PLRG1: variants seen among roughly 807,000 people sequenced by gnomAD.
PLRG1 encodes the protein pleiotropic regulator 1, also known as pleiotropic regulator 1 (PRL1 homolog, Arabidopsis).
Under a neutral mutation model 74.9 loss-of-function variants are expected in PLRG1, and 28 were observed. The ratio of observed to expected loss-of-function variants is 0.37; its 90% CI spans 0.28 to 0.51. The LOEUF (loss-of-function observed/expected upper bound fraction) is 0.51, where lower values mean the gene tolerates loss of function less well. Ranked by LOEUF, PLRG1 falls within the 20% of genes least tolerant of loss-of-function variation. PLRG1 has a pLI of 0.91. For synonymous variants in PLRG1, 197 were observed against 212.4 expected (o/e 0.93, Z 0.63); for missense variants, 445 against 631.9 (o/e 0.70, Z 3.17).
rs200015317 is a variant in PLRG1 at position 154,538,923 on chromosome 4, T to C, written c.1151+182A>G. On this transcript the variant is annotated intron_variant, in intron 12 of 14. Transcript: ENST00000499023. ...CAAGTAGAAGGCTTTCCTCATGTTTTATAGGGCATGAAGCAAAATAGTGCA... is the reference window on the plus strand; with the variant it reads ...CAAGTAGAAGGCTTTCCTCATGTTTCATAGGGCATGAAGCAAAATAGTGCA... 6.6e-4 allele frequency: 345 copies of C among 524,984 alleles called. 1 individual carries two copies. Among genetic ancestry groups the C allele is most frequent in the East Asian group, 4.6e-3 (160 of 35,156 alleles). 32.5% of individuals were successfully genotyped at this position (524,984 alleles called of 1,614,324 possible). A position where few individuals can be genotyped will look rare whatever the true frequency, so the allele number is the denominator to read the frequency against.
At chr4:154,548,758 C>T in intron 2 of PLRG1, 71 bp downstream of exon 2, 1 of 786,674 alleles carries the variant, frequency 1.3e-6, no homozygotes, top group South Asian at 1.5e-5. Flanking sequence ...AGGACTCCCT[C>T]TCCCTGCTCT....
intron 7 of PLRG1, 85 bp from the exon 8 acceptor site, chr4:154,542,364 C>A (rs1407252151): frequency 8.0e-6 from 6 of 745,896 alleles, no homozygotes; most frequent in Non-Finnish European, 1.5e-5. Context: ...TTGAATTGCC[C>A]TCCCATCTTC....
At chr4:154,540,515 T>C (rs992094543) in intron 10 of PLRG1, 79 bp downstream of exon 10, 42 of 882,258 alleles carry the variant, frequency 4.8e-5, no homozygotes, top group Admixed American at 1.8e-4. Context: ...TATCAATCAA[T>C]TGAAGACACT....
intron 7 of PLRG1, among the ~76,000 whole-genome samples, chr4:154,543,534 T>C (rs2111105881): frequency 6.6e-6 from 1 of 152,128 alleles, no homozygotes; most frequent in South Asian, 2.1e-4. Context: ...TAAAAATAAA[T>C]TAGAACTGAA....
In PLRG1 at chr4:154,546,992, T is replaced by C. The variant is rs747495470; in HGVS notation, c.313+19A>G. 7.8e-6 allele frequency: 12 copies of C among 1,540,234 alleles called. No homozygotes were observed. The highest frequency in any genetic ancestry group is 9.9e-6 in the Non-Finnish European group (11 of 1,112,748). On this transcript the variant is annotated intron_variant, in intron 4 of 14. Transcript: ENST00000499023. ...TGTGACATTTTTAAGACATTTTCAA[T>C]ATATAACAGCTCACTAACCAGGTCC...
chr4:154,537,828 A>G (rs907383313), intron 13 of PLRG1, 141 bp downstream of exon 13: 4 of 541,274 alleles, frequency 7.4e-6, no homozygotes, highest in Middle Eastern at 5.0e-4. Context: ...AACACACATA[A>G]TAACATGCAA....
In PLRG1 at chr4:154,547,615, A is replaced by G. The variant is rs1187977339; in HGVS notation, c.259+96T>C. On this transcript the variant is annotated intron_variant, in intron 3 of 14. Transcript: ENST00000499023. ...GGCCATTAAATACTGTACGACCACA[A>G]TAAGTCCTGCCAGGAGGGGCAAAAA... 5.4e-6 allele frequency: 6 copies of G among 1,113,000 alleles called. No homozygotes were observed. In the East Asian group the frequency reaches 9.5e-5, roughly 18 times the overall value. The allele number at this position is 1,113,000 out of a possible 1,614,324, so 68.9% of individuals were successfully genotyped here.
At chr4:154,545,527 G>C (rs1729635105) in intron 6 of PLRG1, among the ~76,000 whole-genome samples, 1 of 149,356 alleles carries the variant, frequency 6.7e-6, no homozygotes, top group African/African-American at 2.5e-5. Context: ...AAAAAAAAAA[G>C]ACTTTCATAT....
intron 6 of PLRG1, 53 bp downstream of exon 6, chr4:154,545,782 AT>A (rs1729640200): frequency 2.0e-6 from 2 of 1,021,340 alleles, no homozygotes; most frequent in African/African-American, 1.6e-5. Context: ...AGAGGGAAAT[AT>A]GGCAACATGT....
At chr4:154,539,360 T>C (rs143902767) in intron 11 of PLRG1, 147 bp from the exon 12 acceptor site, 9 of 579,002 alleles carry the variant, frequency 1.6e-5, no homozygotes, top group Non-Finnish European at 2.4e-5. Context: ...AATTTCTTCA[T>C]AGTTCCAAAT....
chr4:154,538,948 A>T, intron 12 of PLRG1, 157 bp downstream of exon 12: 1 of 567,818 alleles, frequency 1.8e-6, no homozygotes, highest in Non-Finnish European at 3.2e-6. Context: ...AAAATAGTGC[A>T]TGAGGAAAAT....
rs1200651680 is a variant in PLRG1 at position 154,535,865 on chromosome 4, G to C, written c.*820C>G. On this transcript the variant is annotated 3_prime_UTR_variant, in exon 15 of 15. Transcript: ENST00000499023. ...AGGAATAAAATCCATACTTATATGA[G>C]CTTTCCCCAGAACAAGCCAGCTTTA... The C allele has an allele frequency of 7.9e-6, 1 of 127,098 alleles. No individual in the cohort carries two copies. Among genetic ancestry groups the C allele is most frequent in the Non-Finnish European group, 1.7e-5 (1 of 60,444 alleles). 7.9% of individuals were successfully genotyped at this position (127,098 alleles called of 1,614,324 possible). A position where few individuals can be genotyped will look rare whatever the true frequency, so the allele number is the denominator to read the frequency against.
At position 154,536,515 on chromosome 4, in the gene PLRG1, G is replaced by T. The variant is rs1459499738; in HGVS notation, c.*170C>A. The stretch of plus-strand genomic sequence containing the variant: ...TAGAAATAAAAACACAGGGGTAGGG[G>T]ACAGGGGACAGTTTATTGTAAAATA... On this transcript the variant is annotated 3_prime_UTR_variant, in exon 15 of 15. Coordinates refer to ENST00000499023, the MANE Select transcript of PLRG1 (RefSeq NM_002669.4). The T allele has an allele frequency of 3.3e-6, 2 of 606,082 alleles. No homozygotes were observed. The highest frequency in any genetic ancestry group is 5.8e-6 in the Non-Finnish European group (2 of 343,020). 37.5% of individuals were successfully genotyped at this position (606,082 alleles called of 1,614,324 possible). A position where few individuals can be genotyped will look rare whatever the true frequency, so the allele number is the denominator to read the frequency against.
At chr4:154,547,088 A>C (rs1578771702) in intron 3 of PLRG1, 24 bp from the exon 4 acceptor site, 1 of 1,569,450 alleles carries the variant, frequency 6.4e-7, no homozygotes, top group Non-Finnish European at 8.8e-7. Context: ...AAAAAAATCA[A>C]CAGTAGTGAA....
intron 1 of PLRG1, among the ~76,000 whole-genome samples, chr4:154,549,361 A>G (rs1421656066): frequency 1.3e-5 from 2 of 152,362 alleles, no homozygotes; most frequent in East Asian, 1.9e-4. Context: ...AGGACTAAGT[A>G]TAATTGTGAA....
rs142528081 is a variant in PLRG1, at chr4:154,538,135, G to A, written c.1152-27C>T. 8.7e-5 allele frequency: 113 copies of A among 1,300,452 alleles called. No individual in the cohort carries two copies. The African/African-American group carries it at 1.5e-3, about 18-fold the overall frequency. The allele number at this position is 1,300,452 out of a possible 1,614,324, so 80.6% of individuals were successfully genotyped here. On this transcript the variant is annotated intron_variant, in intron 12 of 14. Transcript: ENST00000499023. ...TGAAATAATATTAAAAAGAATTAACGACAAAGTAAACCAAGTTAAATAAAG... is the reference window on the plus strand; with the variant it reads ...TGAAATAATATTAAAAAGAATTAACAACAAAGTAAACCAAGTTAAATAAAG...
chr4:154,538,301 CAGTAT>C (rs1729491807), intron 12 of PLRG1, among the ~76,000 whole-genome samples, 193 bp from the exon 13 acceptor site: 1 of 152,018 alleles, frequency 6.6e-6, no homozygotes, highest in South Asian at 2.1e-4. Flanking sequence ...ACATTTTTAA[CAGTAT>C]ATTTTAAGTC....
At chr4:154,544,684 T>C (rs1211668085) in intron 6 of PLRG1, 138 bp from the exon 7 acceptor site, 2 of 597,072 alleles carry the variant, frequency 3.3e-6, no homozygotes, top group African/African-American at 3.8e-5. Context: ...TTTCTGTATG[T>C]TAACTTAAAA....
At chr4:154,538,909 C>T in intron 12 of PLRG1, 196 bp downstream of exon 12, 1 of 505,464 alleles carries the variant, frequency 2.0e-6, no homozygotes, top group East Asian at 2.9e-5. Flanking sequence ...AAGTAGAAGG[C>T]TTTCCTCATG....
Sources: gnomAD v4.1 joint callset for allele counts (sites outside exome capture counted in the v4.1 genomes callset) on GRCh38, gnomAD v4.1.1 for gene constraint, MANE v1.5 for transcripts, NCBI Gene and HGNC (gene_info 2026-07-23, HGNC 2026-07-21) for gene names.